Variants in CYB5RL observed in about 807,000 individuals in gnomAD.
CYB5RL encodes NADH-cytochrome b5 reductase-like.
In CYB5RL, 38 loss-of-function variants were observed where a neutral mutation model predicts 37.5. The ratio of observed to expected loss-of-function variants is 1.01; its 90% confidence interval spans 0.78 to 1.33. The LOEUF (loss-of-function observed/expected upper bound fraction) is 1.33, where lower values mean the gene tolerates loss of function less well. Ranked by LOEUF, CYB5RL falls within the 40% of genes most tolerant of loss-of-function variation. CYB5RL has a pLI of 0.00. For missense variants in CYB5RL, 388 were observed against 394.4 expected (o/e 0.98, Z 0.14); for synonymous variants, 141 against 151.9 (o/e 0.93, Z 0.53).
intron 1 of CYB5RL, among the ~76,000 whole-genome samples, chr1:54,198,551 C>CT (rs1264058296): frequency 1.3e-5 from 2 of 150,404 alleles, no homozygotes. Flanking sequence ...CCAGGATGGT[C>CT]TGATCTCCTG....
Position 54,179,137 on chromosome 1 carries a change from C to T in CYB5RL, c.744+12G>A. 1 of 1,609,646 alleles carries T rather than the reference C, an allele frequency of 6.2e-7. No homozygotes were observed. Among genetic ancestry groups the T allele is most frequent in the Non-Finnish European group, 8.5e-7 (1 of 1,178,274 alleles). On this transcript the variant is annotated intron_variant, in intron 7 of 7. Coordinates refer to ENST00000534324, the MANE Select transcript of CYB5RL (RefSeq NM_001031672.4). ...TCTCAATCAAAAAAGAAAGTCACCA[C>T]CCTGGGCTCACCTGGCTGAGTACAA...
chr1:54,174,968 A>G, intron 7 of CYB5RL, 146 bp from the exon 8 acceptor site: 1 of 745,740 alleles, frequency 1.3e-6, no homozygotes, highest in East Asian at 2.7e-5. Context: ...TGGGCCAGGC[A>G]TTTCCTCCTT....
In CYB5RL at chr1:54,184,150, C is replaced by G; in HGVS notation, c.540+11G>C. 1 of 1,609,596 alleles carries G rather than the reference C, an allele frequency of 6.2e-7. No individual in the cohort carries two copies. The highest frequency in any genetic ancestry group is 8.5e-7 in the Non-Finnish European group (1 of 1,177,780). ...AGGGATCTCCTGAAGATTTAAGGTG[C>G]TGGCACTGACCTGGTTTGGTTTATA... On this transcript the variant is annotated intron_variant, in intron 6 of 7. Transcript: ENST00000534324.
chr1:54,190,958 A>G (rs886787202), intron 3 of CYB5RL, 62 bp from the exon 4 acceptor site: 1 of 1,567,428 alleles, frequency 6.4e-7, no homozygotes, highest in Admixed American at 1.8e-5. Context: ...AGGCATCCAT[A>G]GCATCCTTCC....
intron 7 of CYB5RL, among the ~76,000 whole-genome samples, chr1:54,177,837 G>C (rs1660058514): frequency 6.6e-6 from 1 of 152,152 alleles, no homozygotes; most frequent in African/African-American, 2.4e-5. Flanking sequence ...GCTGGGAGTG[G>C]GTCACCTTCA....
intron 6 of CYB5RL, 85 bp from the exon 7 acceptor site, chr1:54,179,437 TC>T: frequency 7.2e-7 from 1 of 1,398,282 alleles, no homozygotes; most frequent in African/African-American, 1.4e-5. Context: ...TCCTTGAGCT[TC>T]CTTCAACTGG....
At chr1:54,194,689 G>A (rs1157163498) in intron 3 of CYB5RL, among the ~76,000 whole-genome samples, 3 of 152,182 alleles carry the variant, frequency 2.0e-5, no homozygotes, top group Non-Finnish European at 2.9e-5. Flanking sequence ...ATGGCATTGA[G>A]AGAGGTAGAA....
At chr1:54,198,477 C>T (rs186567796) in intron 1 of CYB5RL, among the ~76,000 whole-genome samples, 40 of 151,568 alleles carry the variant, frequency 2.6e-4, no homozygotes, top group African/African-American at 7.5e-4. Context: ...GGACTACAGG[C>T]GCCCGCCACC....
chr1:54,176,136 G>C (rs1259096072), intron 7 of CYB5RL, among the ~76,000 whole-genome samples: 1 of 152,206 alleles, frequency 6.6e-6, no homozygotes, highest in Non-Finnish European at 1.5e-5. Flanking sequence ...ATGATTGTGA[G>C]GAGAGTATCC....
rs563876401 is a variant in CYB5RL, at chr1:54,191,015, A to G, written c.199-119T>C. ...GTCTTGGCTCGGGAAGTTTCCTGTA[A>G]ACTGGACACTAGCCTCACCTTACTT... On this transcript the variant is annotated intron_variant, in intron 3 of 7. Coordinates refer to ENST00000534324, the MANE Select transcript of CYB5RL (RefSeq NM_001031672.4). 6.1e-6 allele frequency: 8 copies of G among 1,320,442 alleles called. No homozygotes were observed. In the African/African-American group the frequency reaches 1.0e-4, roughly 17 times the overall value. The allele number at this position is 1,320,442 out of a possible 1,614,324, so 81.8% of individuals were successfully genotyped here. A position where few individuals can be genotyped will look rare whatever the true frequency, so the allele number is the denominator to read the frequency against.
At chr1:54,193,014 C>A (rs1340674795) in intron 3 of CYB5RL, among the ~76,000 whole-genome samples, 1 of 152,218 alleles carries the variant, frequency 6.6e-6, no homozygotes, top group Admixed American at 6.5e-5. Flanking sequence ...CTTGGCCTCC[C>A]AAAGTGCTGG....
At chr1:54,179,544 G>A (rs1186499598) in intron 6 of CYB5RL, among the ~76,000 whole-genome samples, 192 bp from the exon 7 acceptor site, 1 of 152,176 alleles carries the variant, frequency 6.6e-6, no homozygotes, top group African/African-American at 2.4e-5. Flanking sequence ...TGAGGTTTGG[G>A]TAATGGAGAT....
In CYB5RL at chr1:54,179,451, G is replaced by A. The variant is rs139955204; in HGVS notation, c.541-99C>T. ...TTCCTTGAGCTTCCTTCAACTGGAC[G>A]GCAGTGCCCTTCCTTGGTGTCCAAC... is the stretch of plus-strand genomic sequence containing the variant. On this transcript the variant is annotated intron_variant, in intron 6 of 7. Coordinates refer to ENST00000534324, the MANE Select transcript of CYB5RL (RefSeq NM_001031672.4). 1.8e-4 allele frequency: 227 copies of A among 1,240,142 alleles called. No homozygotes were observed. In the African/African-American group the frequency reaches 2.9e-3, roughly 16 times the overall value. 76.8% of individuals were successfully genotyped at this position (1,240,142 alleles called of 1,614,324 possible). A position where few individuals can be genotyped will look rare whatever the true frequency, so the allele number is the denominator to read the frequency against.
At chr1:54,193,799 C>T (rs1032937194) in intron 3 of CYB5RL, among the ~76,000 whole-genome samples, 1 of 151,194 alleles carries the variant, frequency 6.6e-6, no homozygotes, top group African/African-American at 2.4e-5. Context: ...AACCCTGTCT[C>T]TGCTAAAAAT....
chr1:54,182,110 C>T (rs1213449151), intron 6 of CYB5RL, among the ~76,000 whole-genome samples: 1 of 152,230 alleles, frequency 6.6e-6, no homozygotes, highest in East Asian at 1.9e-4. Context: ...AAACGATTTC[C>T]ATTCCCTGCT....
intron 3 of CYB5RL, among the ~76,000 whole-genome samples, chr1:54,194,663 G>T (rs1267975624): frequency 2.0e-5 from 3 of 152,030 alleles, no homozygotes; most frequent in Admixed American, 2.0e-4. Flanking sequence ...AAAAAAAAAA[G>T]TGATTACGAT....
At chr1:54,194,033 A>G (rs1483666708) in intron 3 of CYB5RL, among the ~76,000 whole-genome samples, 1 of 148,532 alleles carries the variant, frequency 6.7e-6, no homozygotes, top group Non-Finnish European at 1.5e-5. Flanking sequence ...AATAATGATA[A>G]TAATAATAAT....
intron 5 of CYB5RL, chr1:54,186,260 C>T (rs575720971): frequency 5.3e-5 from 8 of 152,306 alleles, no homozygotes; most frequent in African/African-American, 1.9e-4. Flanking sequence ...CAAATGATGT[C>T]ATCTTTTTGA....
At chr1:54,195,138 T>C (rs1042697809) in intron 3 of CYB5RL, among the ~76,000 whole-genome samples, 4 of 152,170 alleles carry the variant, frequency 2.6e-5, no homozygotes, top group Admixed American at 6.6e-5. Context: ...TCAATAAATA[T>C]AGTTAAGTGA....
Sources: allele counts gnomAD v4.1 joint callset (sites outside exome capture counted in the v4.1 genomes callset), GRCh38; gene constraint gnomAD v4.1.1; transcripts MANE v1.5; gene names NCBI Gene and HGNC (gene_info 2026-07-23, HGNC 2026-07-21).